CYP3A43: variants seen among roughly 807,000 people sequenced by gnomAD.
The protein encoded by CYP3A43 is cytochrome P450 family 3 subfamily A member 43, also known as cytochrome P450 3A43.
CYP3A43 carries 45 observed loss-of-function variants against 58.0 expected under a neutral mutation model. That is an observed-to-expected ratio of 0.78 (90% confidence interval 0.61 to 0.99). The LOEUF (loss-of-function observed/expected upper bound fraction) is 0.99, where lower values mean the gene tolerates loss of function less well. CYP3A43 is among the 50% of genes least tolerant of loss of function. CYP3A43 has a pLI of 0.00. For missense variants in CYP3A43, 593 were observed against 591.9 expected, an observed-to-expected ratio of 1.00 and a Z score of -0.02; for synonymous variants, 191 against 201.4, an observed-to-expected ratio of 0.95 and a Z score of 0.44.
At chr7:99,855,758 T>C (rs1412442830) in intron 8 of CYP3A43, 40 bp downstream of exon 8, 1 of 1,553,562 alleles carries the variant, frequency 6.4e-7, no homozygotes, top group Non-Finnish European at 8.7e-7. Flanking sequence ...GTTCACTTTT[T>C]TATTATATTT....
rs563573405 is a variant in CYP3A43, at chr7:99,863,735, A to G, written c.1416+36A>G. On this transcript the variant is annotated intron_variant, in intron 12 of 12. Coordinates refer to ENST00000354829, the MANE Select transcript of CYP3A43 (RefSeq NM_057095.3). ...TTTCTTATAAATAATGTTTATTGGGAGTTTTTTAAACTGAGAAGTCTACAT... is the reference window on the plus strand; with the variant it reads ...TTTCTTATAAATAATGTTTATTGGGGGTTTTTTAAACTGAGAAGTCTACAT... 2.0e-6 allele frequency: 3 copies of G among 1,465,296 alleles called. No homozygotes were observed. The African/African-American group carries it at 4.2e-5, about 21-fold the overall frequency. 90.8% of individuals were successfully genotyped at this position (1,465,296 alleles called of 1,614,324 possible).
In CYP3A43 at chr7:99,844,041, T is replaced by C. The variant is rs573973407; in HGVS notation, c.219-102T>C. The C allele has an allele frequency of 2.0e-4, 173 of 864,046 alleles. No homozygotes were observed. The South Asian group carries it at 2.4e-3, about 12-fold the overall frequency. 53.5% of individuals were successfully genotyped at this position (864,046 alleles called of 1,614,324 possible). A position where few individuals can be genotyped will look rare whatever the true frequency, so the allele number is the denominator to read the frequency against. On this transcript the variant is annotated intron_variant, in intron 3 of 12. Coordinates refer to ENST00000354829, the MANE Select transcript of CYP3A43 (RefSeq NM_057095.3). The stretch of plus-strand genomic sequence containing the variant: ...GCTGTGTATTGCACAACTGCAAGTA[T>C]GGATGATGGAATGTCAGGATCAAAA...
rs1234763255 is a variant in CYP3A43, at chr7:99,863,729, A to T, written c.1416+30A>T. On this transcript the variant is annotated intron_variant, in intron 12 of 12. Coordinates refer to ENST00000354829, the MANE Select transcript of CYP3A43 (RefSeq NM_057095.3). ...GTAAACTTTCTTATAAATAATGTTT[A>T]TTGGGAGTTTTTTAAACTGAGAAGT... The T allele has an allele frequency of 1.0e-5, 15 of 1,488,426 alleles. No homozygotes were observed. In the East Asian group the frequency reaches 3.3e-4, roughly 33 times the overall value. The allele number at this position is 1,488,426 out of a possible 1,614,324, so 92.2% of individuals were successfully genotyped here.
At chr7:99,849,415 T>A (rs916199248) in intron 6 of CYP3A43, 131 bp from the exon 7 acceptor site, 1 of 1,060,524 alleles carries the variant, frequency 9.4e-7, no homozygotes, top group African/African-American at 1.6e-5. Flanking sequence ...TGGGAGATGA[T>A]GCAGCAGATT....
intron 1 of CYP3A43, among the ~76,000 whole-genome samples, chr7:99,834,778 C>T (rs991888573): frequency 2.0e-5 from 3 of 152,190 alleles, no homozygotes; most frequent in Non-Finnish European, 4.4e-5. Flanking sequence ...TTGGGCAATA[C>T]AGTACTTTCC....
chr7:99,831,243 A>T (rs1816832369), intron 1 of CYP3A43, among the ~76,000 whole-genome samples: 1 of 152,148 alleles, frequency 6.6e-6, no homozygotes, highest in South Asian at 2.1e-4. Flanking sequence ...ATTTTATAAG[A>T]TTTATTTATT....
At chr7:99,855,756 T>C in intron 8 of CYP3A43, 38 bp downstream of exon 8, 2 of 1,553,228 alleles carry the variant, frequency 1.3e-6, no homozygotes, top group Non-Finnish European at 1.7e-6. Flanking sequence ...ATGTTCACTT[T>C]TTTATTATAT....
intron 3 of CYP3A43, among the ~76,000 whole-genome samples, chr7:99,840,018 T>C (rs146369402): frequency 7.5e-4 from 114 of 152,322 alleles, no homozygotes; most frequent in Middle Eastern, 3.4e-3. Context: ...ATGTTGAACA[T>C]AACCAGCTTC....
chr7:99,854,940 A>G (rs1489263248), intron 7 of CYP3A43, among the ~76,000 whole-genome samples: 1 of 151,032 alleles, frequency 6.6e-6, no homozygotes, highest in Non-Finnish European at 1.5e-5. Flanking sequence ...GCTGGAGTAC[A>G]GTGGCACAAT....
rs774997883 is a variant in CYP3A43, at chr7:99,848,210, C to A, written c.477C>A (p.Ser159Arg). Residue 159 changes from serine (S) to arginine (R), a missense_variant, in exon 6 of 13, where the codon AGC (serine) becomes AGA (arginine). Ser to Arg is a moderately radical substitution (Grantham distance 110). Coordinates refer to ENST00000354829, the MANE Select transcript of CYP3A43 (RefSeq NM_057095.3). Reference sequence around the variant, plus strand: ...AATGTGGAGATATGTTGGTGAGAAGCCTGAGGCAGGAAGCAGAGAACAGCA... The same window carrying A: ...AATGTGGAGATATGTTGGTGAGAAGACTGAGGCAGGAAGCAGAGAACAGCA... ...ISQCGDMLVRSLRQEAENSKS... is the reference protein window; with the variant it reads ...ISQCGDMLVRRLRQEAENSKS... 3.2e-5 allele frequency: 51 copies of A among 1,613,986 alleles called. No homozygotes were observed. The highest frequency in any genetic ancestry group is 4.2e-5 in the Non-Finnish European group (49 of 1,180,018).
chr7:99,837,562 G>A (rs915656225), intron 2 of CYP3A43, among the ~76,000 whole-genome samples: 1 of 152,120 alleles, frequency 6.6e-6, no homozygotes, highest in African/African-American at 2.4e-5. Flanking sequence ...CTATGAGTGA[G>A]CCTGAGCAGG....
intron 4 of CYP3A43, among the ~76,000 whole-genome samples, chr7:99,845,336 T>A (rs1360502016): frequency 6.6e-6 from 1 of 152,056 alleles, no homozygotes; most frequent in Non-Finnish European, 1.5e-5. Context: ...TCTTTTTTTT[T>A]AATTGAGACA....
Position 99,838,848 on chromosome 7 carries a change from C to T in CYP3A43, c.166-272C>T, listed in dbSNP as rs913163929. The T allele has an allele frequency of 1.9e-4, 101 of 531,236 alleles. 1 individual carries two copies. In the Admixed American group the frequency reaches 2.6e-3, roughly 14 times the overall value. 32.9% of individuals were successfully genotyped at this position (531,236 alleles called of 1,614,324 possible). ...TACAAAAATTAGCTGGGTGTGGTGG[C>T]GGGCCCCCATAATCCCAGCTACTTG... On this transcript the variant is annotated intron_variant, in intron 2 of 12. Coordinates refer to ENST00000354829, the MANE Select transcript of CYP3A43 (RefSeq NM_057095.3).
At chr7:99,841,456 G>A (rs1817329089) in intron 3 of CYP3A43, among the ~76,000 whole-genome samples, 1 of 152,120 alleles carries the variant, frequency 6.6e-6, no homozygotes, top group African/African-American at 2.4e-5. Flanking sequence ...GGAGTGCAAT[G>A]GGGTGATCTC....
chr7:99,846,324 A>G (rs1014550600), intron 4 of CYP3A43, among the ~76,000 whole-genome samples: 1 of 152,138 alleles, frequency 6.6e-6, no homozygotes, highest in African/African-American at 2.4e-5. Context: ...TTAGATTCAC[A>G]CCTAAAGTAT....
intron 1 of CYP3A43, among the ~76,000 whole-genome samples, chr7:99,833,734 C>T (rs751453959): frequency 2.0e-5 from 3 of 152,200 alleles, no homozygotes; most frequent in Non-Finnish European, 4.4e-5. Flanking sequence ...CACCTCCTCG[C>T]GGAGCTGAGC....
intron 4 of CYP3A43, 129 bp from the exon 5 acceptor site, chr7:99,847,359 A>G: frequency 1.2e-6 from 1 of 868,424 alleles, no homozygotes. Context: ...CATCTAGTAT[A>G]GAGCCTGCCA....
intron 7 of CYP3A43, among the ~76,000 whole-genome samples, chr7:99,853,696 A>G (rs1376889420): frequency 6.6e-6 from 1 of 152,140 alleles, no homozygotes. Flanking sequence ...AGTTGGGACT[A>G]CAGGCATGCA....
At chr7:99,839,892 TGGC>T (rs1211283561) in intron 3 of CYP3A43, among the ~76,000 whole-genome samples, 3 of 152,310 alleles carry the variant, frequency 2.0e-5, no homozygotes, top group Middle Eastern at 3.4e-3. Context: ...GTGAAGAAGT[TGGC>T]TGCCCCACCC....
Sources: gnomAD v4.1 joint callset for allele counts (sites outside exome capture counted in the v4.1 genomes callset) on GRCh38, gnomAD v4.1.1 for gene constraint, MANE v1.5 for transcripts, NCBI Gene and HGNC (gene_info 2026-07-23, HGNC 2026-07-21) for gene names.